PBRM1: variants seen among roughly 807,000 people sequenced by gnomAD.
PBRM1 encodes the protein polybromo 1.
Under a neutral mutation model 194.5 loss-of-function variants are expected in PBRM1, and 27 were observed. That is an observed-to-expected ratio of 0.14 (90% confidence interval 0.10 to 0.19). The LOEUF (loss-of-function observed/expected upper bound fraction) is 0.19, where lower values mean the gene tolerates loss of function less well. Ranked by LOEUF, PBRM1 falls within the 10% of genes least tolerant of loss-of-function variation. The probability of loss-of-function intolerance (pLI) is 1.00; values close to 1 mark genes in which losing one functional copy is unlikely to be tolerated. For missense variants in PBRM1, 1,466 were observed against 2,077.2 expected, an observed-to-expected ratio of 0.71 and a Z score of 5.72; for synonymous variants, 655 against 693.2, an observed-to-expected ratio of 0.94 and a Z score of 0.87.
At chr3:52,550,688 T>C in intron 28 of PBRM1, 51 bp from the exon 31 acceptor site, 1 of 1,587,722 alleles carries the variant, frequency 6.3e-7, no homozygotes, top group Admixed American at 1.7e-5. Flanking sequence ...TCTGCACATG[T>C]TCTGAGAAGG....
intron 6 of PBRM1, among the ~76,000 whole-genome samples, chr3:52,649,921 A>T (rs1007533489): frequency 6.6e-6 from 1 of 152,212 alleles, no homozygotes; most frequent in African/African-American, 2.4e-5. Context: ...AGTCAAAAAG[A>T]GAAGACTGGG....
chr3:52,581,198 A>T (rs1162825049), intron 20 of PBRM1, among the ~76,000 whole-genome samples: 2 of 152,250 alleles, frequency 1.3e-5, no homozygotes, highest in Non-Finnish European at 2.9e-5. Flanking sequence ...CTGAAATGGT[A>T]TTCTTGGAAA....
At chr3:52,580,597 C>A (rs1025956721) in intron 20 of PBRM1, among the ~76,000 whole-genome samples, 1 of 152,072 alleles carries the variant, frequency 6.6e-6, no homozygotes, top group Non-Finnish European at 1.5e-5. Context: ...CTCCTGACTT[C>A]GTGATCCACC....
At chr3:52,546,306 T>C (rs2079667574), downstream of PBRM1, 1 of 232,764 alleles carries the variant, frequency 4.3e-6, no homozygotes, top group Non-Finnish European at 8.5e-6. Flanking sequence ...GATGATTCAA[T>C]TGCCCAAATA....
At chr3:52,550,659 T>C (rs2080739923) in intron 28 of PBRM1, 22 bp from the exon 31 acceptor site, 9 of 1,563,292 alleles carry the variant, frequency 5.8e-6, no homozygotes, top group Non-Finnish European at 7.8e-6. Flanking sequence ...CAGGACCACA[T>C]GGTGAGGCAA....
intron 2 of PBRM1, among the ~76,000 whole-genome samples, chr3:52,671,558 C>T (rs995450569): frequency 1.3e-5 from 2 of 152,190 alleles, no homozygotes; most frequent in African/African-American, 4.8e-5. Context: ...TTAGTAGTTA[C>T]AAGAACTTGT....
chr3:52,643,100 C>A (rs2096168592), intron 9 of PBRM1, 148 bp downstream of exon 10: 2 of 650,936 alleles, frequency 3.1e-6, no homozygotes, highest in Non-Finnish European at 5.6e-6. Flanking sequence ...GTAACTCAAC[C>A]TTTTAAATAA....
At chr3:52,557,168 T>C (rs1351924361) in intron 26 of PBRM1, among the ~76,000 whole-genome samples, 1 of 152,196 alleles carries the variant, frequency 6.6e-6, no homozygotes, top group Non-Finnish European at 1.5e-5. Flanking sequence ...TGAGATTTGT[T>C]AGATCAACAT....
At chr3:52,667,611 G>A (rs775345226) in intron 3 of PBRM1, among the ~76,000 whole-genome samples, 1 of 151,936 alleles carries the variant, frequency 6.6e-6, no homozygotes, top group Non-Finnish European at 1.5e-5. Flanking sequence ...AAATTAGCCA[G>A]GCATGGTGGT....
chr3:52,676,137 AAAAAAAAAAAAAAAAT>A lies in PBRM1; in HGVS notation c.236+2347_236+2362del, dbSNP rs1487760196. ...CTCAAAAAAAAAAAAAAAAAAAAAA[AAAAAAAAAAAAAAAAT>A]AATGAATGAAGCGGGATCCTTACCT... On this transcript the variant is annotated intron_variant, in intron 2 of 29. Coordinates refer to ENST00000296302, the Ensembl canonical transcript of PBRM1. Among the ~76,000 whole-genome samples, 39 of 122,560 alleles carry A rather than the reference AAAAAAAAAAAAAAAAT, an allele frequency of 3.2e-4. 9 individuals carry two copies. The highest frequency in any genetic ancestry group is 1.7e-3 in the Admixed American group (22 of 12,906). 80.4% of individuals were successfully genotyped at this position (122,560 alleles called of 152,430 possible).
rs372266339 is a variant in PBRM1 at position 52,554,456 on chromosome 3, T to C, written c.4609+268A>G. On this transcript the variant is annotated intron_variant, in intron 27 of 29. Transcript: ENST00000296302. ...GTCAAATTAGTTGAGTGATTATCGA[T>C]AGAGTATGCCTCTTGTCCCTTGGTT... Among the ~76,000 whole-genome samples, 39 of 152,380 alleles carry C rather than the reference T, an allele frequency of 2.6e-4. 1 individual carries two copies. In the South Asian group the frequency reaches 6.8e-3, roughly 27 times the overall value.
At chr3:52,586,674 T>C (rs2153777188) in exon 20 of PBRM1, 1 of 1,590,010 alleles carries the variant, frequency 6.3e-7, no homozygotes, top group South Asian at 1.1e-5. Context: ...TTTCTGGGCA[T>C]AACTTAAAGT....
At chr3:52,607,294 A>G (rs1357782232) in intron 16 of PBRM1, among the ~76,000 whole-genome samples, 3 of 152,084 alleles carry the variant, frequency 2.0e-5, no homozygotes, top group Non-Finnish European at 2.9e-5. Flanking sequence ...AATTTTTCCT[A>G]ACTACTAAAT....
At chr3:52,556,990 G>A (rs1399302333) in intron 26 of PBRM1, among the ~76,000 whole-genome samples, 2 of 151,328 alleles carry the variant, frequency 1.3e-5, no homozygotes, top group Non-Finnish European at 2.9e-5. Flanking sequence ...GTGCCCCTGG[G>A]TTTTGAAGTC....
intron 29 of PBRM1, among the ~76,000 whole-genome samples, 163 bp from the exon 32 acceptor site, chr3:52,548,398 T>C (rs1057179975): frequency 6.6e-6 from 1 of 152,172 alleles, no homozygotes; most frequent in African/African-American, 2.4e-5. Flanking sequence ...TCTTATATCA[T>C]TTTACTAGGC....
chr3:52,558,461 C>A, intron 25 of PBRM1, 48 bp from the exon 28 acceptor site: 1 of 1,453,382 alleles, frequency 6.9e-7, no homozygotes, highest in South Asian at 1.3e-5. Flanking sequence ...CCCAGGAATT[C>A]AAAATACCAT....
exon 27 of PBRM1, chr3:52,554,759 G>A: frequency 6.4e-7 from 1 of 1,573,942 alleles, no homozygotes; most frequent in Non-Finnish European, 8.6e-7. Context: ...AGGCACACCT[G>A]GCGGAAGATG....
At chr3:52,567,378 A>C (rs2085589731) in intron 22 of PBRM1, among the ~76,000 whole-genome samples, 1 of 152,078 alleles carries the variant, frequency 6.6e-6, no homozygotes, top group African/African-American at 2.4e-5. Context: ...AATTTCTAGA[A>C]CTATAAAAGC....
chr3:52,633,929 A>T (rs947922068), intron 11 of PBRM1, among the ~76,000 whole-genome samples: 4 of 152,118 alleles, frequency 2.6e-5, no homozygotes, highest in African/African-American at 9.7e-5. Flanking sequence ...TGGTAGCCCA[A>T]TGATCACTTT....
Sources: allele counts gnomAD v4.1 joint callset (sites outside exome capture counted in the v4.1 genomes callset), GRCh38; gene constraint gnomAD v4.1.1; transcripts MANE v1.5; gene names NCBI Gene and HGNC (gene_info 2026-07-23, HGNC 2026-07-21).